DYSF: variants seen among roughly 807,000 people sequenced by gnomAD.
DYSF encodes the protein dysferlin, also known as dystrophy-associated fer-1-like 1.
In DYSF, 212 loss-of-function variants were observed where a neutral mutation model predicts 274.9. That is an observed-to-expected ratio of 0.77 (90% CI 0.69 to 0.86). DYSF has a LOEUF of 0.86. Ranked by LOEUF, DYSF falls within the 40% of genes least tolerant of loss-of-function variation. The pLI is 0.00. For synonymous variants in DYSF, 1,091 were observed against 1,078.7 expected (o/e 1.01, Z -0.22); for missense variants, 2,666 against 2,783.2 (o/e 0.96, Z 0.95).
At chr2:71,662,700 ATG>A (rs1408565502) in intron 45 of DYSF, among the ~76,000 whole-genome samples, 7 of 129,742 alleles carry the variant, frequency 5.4e-5, no homozygotes, top group African/African-American at 2.1e-4. Context: ...GTGTATATGT[ATG>A]TGTGTTGTAT....
chr2:71,620,141 G>A (rs948087831), intron 40 of DYSF, among the ~76,000 whole-genome samples: 1 of 152,194 alleles, frequency 6.6e-6, no homozygotes, highest in Non-Finnish European at 1.5e-5. Flanking sequence ...CAGAGGTTAG[G>A]ATGCTGGGGT....
chr2:71,499,611 G>T (rs1368774126), intron 3 of DYSF, among the ~76,000 whole-genome samples: 1 of 152,232 alleles, frequency 6.6e-6, no homozygotes, highest in Non-Finnish European at 1.5e-5. Flanking sequence ...TGGATGGTGA[G>T]TTTGGGAACT....
At chr2:71,460,690 C>T (rs1199467425) in intron 1 of DYSF, among the ~76,000 whole-genome samples, 1 of 152,050 alleles carries the variant, frequency 6.6e-6, no homozygotes, top group Non-Finnish European at 1.5e-5. Context: ...AAAAGGAGGC[C>T]TCAGGAAGTG....
At chr2:71,458,720 G>C (rs2081167364) in intron 1 of DYSF, among the ~76,000 whole-genome samples, 1 of 152,206 alleles carries the variant, frequency 6.6e-6, no homozygotes, top group Admixed American at 6.5e-5. Flanking sequence ...GATGTTAGCA[G>C]AGAGAGCGTT....
At chr2:71,532,672 T>C (rs1173490130) in intron 14 of DYSF, among the ~76,000 whole-genome samples, 2 of 152,212 alleles carry the variant, frequency 1.3e-5, no homozygotes, top group East Asian at 3.9e-4. Context: ...GGGGCTGAAG[T>C]AGCCCGTGTG....
chr2:71,467,153 G>T (rs1232957175), intron 1 of DYSF, among the ~76,000 whole-genome samples: 1 of 152,222 alleles, frequency 6.6e-6, no homozygotes, highest in African/African-American at 2.4e-5. Flanking sequence ...AATTGGAAAA[G>T]CGAAAGTGCC....
In DYSF at chr2:71,649,070, G is replaced by C. The variant is rs956485389; in HGVS notation, c.4626+5007G>C. On this transcript the variant is annotated intron_variant, in intron 42 of 55. Coordinates refer to ENST00000410020, the MANE Select transcript of DYSF (RefSeq NM_001130987.2). Reference sequence around the variant, plus strand: ...ACAACAGAAGGACTGGTTGTAGTTCGAGGCTGTAGTCAGCTATGATTGCAC... The same window carrying C: ...ACAACAGAAGGACTGGTTGTAGTTCCAGGCTGTAGTCAGCTATGATTGCAC... 2.0e-5 allele frequency among the ~76,000 whole-genome samples: 3 copies of C among 146,744 alleles called. 1 individual carries two copies. In the Admixed American group the frequency reaches 2.1e-4, roughly 10 times the overall value.
At chr2:71,577,522 GCC>G (rs5832059) in intron 30 of DYSF, among the ~76,000 whole-genome samples, 3 of 111,004 alleles carry the variant, frequency 2.7e-5, no homozygotes, top group Non-Finnish European at 5.3e-5. Context: ...CTCTCATGCA[GCC>G]CCCCCACTCT....
rs1558771945 is a variant in DYSF, at chr2:71,665,229, C to G, written c.5242C>G (p.His1748Asp). 2.5e-6 allele frequency: 4 copies of G among 1,614,152 alleles called. No homozygotes were observed. Among genetic ancestry groups the G allele is most frequent in the Middle Eastern group, 3.3e-4 (2 of 6,060 alleles). ...GCTCCTCCACCTCTTCTGCCAGCAG[C>G]ATAGAGTCAAGGCACCTGTGTACCG... ...SQLLHLFCQQ[H>D]RVKAPVYRTD... The change falls in exon 47 of 56, where the codon CAT becomes GAT. Residue 1748 changes from histidine to aspartate, a missense_variant. By Grantham distance (81) the His-to-Asp change is moderately conservative. Transcript: ENST00000410020.
chr2:71,503,407 A>T, intron 4 of DYSF, 88 bp downstream of exon 4: 1 of 1,353,030 alleles, frequency 7.4e-7, no homozygotes, highest in Non-Finnish European at 1.1e-6. Context: ...GACCCCAGAC[A>T]TGCATCTGAC....
Position 71,643,948 on chromosome 2 carries a change from TC to T in DYSF, c.4528-16del, listed in dbSNP as rs2094527612. 1 of 1,594,624 alleles carries T rather than the reference TC, an allele frequency of 6.3e-7. No homozygotes were observed. The highest frequency in any genetic ancestry group is 8.6e-7 in the Non-Finnish European group (1 of 1,167,144). ...AGTCCTGTTTCTGAAATGGTCTCTT[TC>T]TTTCTACCCACTCAGGAGGAAGAGT... is the stretch of plus-strand genomic sequence containing the variant. On this transcript the variant is annotated splice_polypyrimidine_tract_variant and intron_variant, in intron 41 of 55. Coordinates refer to ENST00000410020, the MANE Select transcript of DYSF (RefSeq NM_001130987.2).
rs774376009 is a variant in DYSF, at chr2:71,513,746, A to C, written c.584A>C (p.Gln195Pro). The change falls in exon 7 of 56, where the codon CAG (glutamine) becomes CCG (proline). Residue 195 changes from glutamine (Q) to proline (P), a missense_variant. Gln to Pro is a moderately conservative substitution (Grantham distance 76, BLOSUM62 -1). Coordinates refer to ENST00000410020, the MANE Select transcript of DYSF (RefSeq NM_001130987.2). ...DTGGEEDTEDQGLTGDEAEPF... is the reference protein window; with the variant it reads ...DTGGEEDTEDPGLTGDEAEPF... ...GGAGGAGAGGAAGACACAGAGGACC[A>C]GGGACTCACTGGAGATGAGGCGGAG... is the stretch of plus-strand genomic sequence containing the variant. 2 of 1,614,162 alleles carry C rather than the reference A, an allele frequency of 1.2e-6. No individual in the cohort carries two copies. The highest frequency in any genetic ancestry group is 8.5e-7 in the Non-Finnish European group (1 of 1,180,006).
At chr2:71,518,589 A>G (rs748619002) in intron 10 of DYSF, among the ~76,000 whole-genome samples, 5 of 151,832 alleles carry the variant, frequency 3.3e-5, no homozygotes, top group Admixed American at 6.6e-5. Flanking sequence ...ATGTAATTTG[A>G]TGTAATTGTT....
intron 19 of DYSF, 36 bp from the exon 20 acceptor site, chr2:71,552,975 C>T (rs2152790485): frequency 6.2e-7 from 1 of 1,612,942 alleles, no homozygotes; most frequent in East Asian, 2.2e-5. Context: ...TTTCTTTGCT[C>T]CTCCCGTGAC....
rs57863411 is a variant in DYSF at position 71,627,874 on chromosome 2, G to C, written c.4527+7265G>C. ...TGCTAATGAGTTTTTCTTAAAGTCT[G>C]TTTTGTTCATGTTAATATAGCTACC... On this transcript the variant is annotated intron_variant, in intron 41 of 55. Transcript: ENST00000410020. Among the ~76,000 whole-genome samples the C allele has an allele frequency of 4.2e-4, 64 of 152,128 alleles. No individual in the cohort carries two copies. In the East Asian group the frequency reaches 0.011, roughly 27 times the overall value.
intron 22 of DYSF, among the ~76,000 whole-genome samples, chr2:71,561,158 T>C (rs1404525034): frequency 6.6e-6 from 1 of 152,114 alleles, no homozygotes. Flanking sequence ...CCCCACCTCC[T>C]CTCCAAAGGC....
chr2:71,492,051 C>T (rs1305838832), intron 3 of DYSF, among the ~76,000 whole-genome samples: 3 of 152,122 alleles, frequency 2.0e-5, no homozygotes, highest in South Asian at 2.1e-4. Context: ...TTGTTTTCAG[C>T]GGGCCCGAAA....
At position 71,550,911 on chromosome 2, in the gene DYSF, C is replaced by A. The variant is rs1046312400; in HGVS notation, c.1577-130C>A. 7 of 752,186 alleles carry A rather than the reference C, an allele frequency of 9.3e-6. No individual in the cohort carries two copies. The African/African-American group carries it at 1.2e-4, about 13-fold the overall frequency. The allele number at this position is 752,186 out of a possible 1,614,324, so 46.6% of individuals were successfully genotyped here. ...CGTGGCGTTCTTCTTTATACACTGA[C>A]AGGAGCTGCATCTGGTGCATGTGGG... On this transcript the variant is annotated intron_variant, in intron 17 of 55. Coordinates refer to ENST00000410020, the MANE Select transcript of DYSF (RefSeq NM_001130987.2).
intron 29 of DYSF, among the ~76,000 whole-genome samples, chr2:71,571,446 C>A (rs562714128): frequency 1.0e-5 from 1 of 99,582 alleles, no homozygotes; most frequent in African/African-American, 3.0e-5. Flanking sequence ...AGATCACACC[C>A]AGCACACACA....
Sources: gnomAD v4.1 joint callset for allele counts (sites outside exome capture counted in the v4.1 genomes callset) on GRCh38, gnomAD v4.1.1 for gene constraint, MANE v1.5 for transcripts, NCBI Gene and HGNC (gene_info 2026-07-23, HGNC 2026-07-21) for gene names.